CDH8: variants seen among roughly 807,000 people sequenced by gnomAD.
The protein encoded by CDH8 is cadherin-8.
CDH8 carries 17 observed loss-of-function variants against 68.1 expected under a neutral mutation model. That is an observed-to-expected ratio of 0.25 (90% CI 0.17 to 0.37). The LOEUF is 0.37. CDH8 is among the 10% of genes least tolerant of loss of function. CDH8 has a pLI of 1.00. For synonymous variants in CDH8, 372 were observed against 365.1 expected (o/e 1.02, Z -0.21); for missense variants, 763 against 999.3 (o/e 0.76, Z 3.19).
chr16:61,914,511 C>A (rs1199724030), intron 2 of CDH8, among the ~76,000 whole-genome samples: 1 of 150,410 alleles, frequency 6.6e-6, no homozygotes, highest in South Asian at 2.1e-4. Context: ...TTTTTTTTTT[C>A]TGGATTATCC....
intron 3 of CDH8, among the ~76,000 whole-genome samples, chr16:61,871,579 TATA>T (rs1485240315): frequency 2.0e-5 from 3 of 151,710 alleles, no homozygotes; most frequent in Admixed American, 1.3e-4. Flanking sequence ...TGATGATCTT[TATA>T]ATAATAATAT....
chr16:61,847,274 G>A (rs1962827045), intron 4 of CDH8, among the ~76,000 whole-genome samples: 1 of 151,878 alleles, frequency 6.6e-6, no homozygotes, highest in Non-Finnish European at 1.5e-5. Context: ...TGTCCATATG[G>A]CACAAACTCT....
At chr16:61,762,718 T>C (rs1960500412) in intron 8 of CDH8, among the ~76,000 whole-genome samples, 1 of 152,178 alleles carries the variant, frequency 6.6e-6, no homozygotes, top group African/African-American at 2.4e-5. Context: ...CTTAGGGTTT[T>C]GTTTTGTGAT....
intron 3 of CDH8, among the ~76,000 whole-genome samples, chr16:61,875,955 C>A (rs1239604415): frequency 6.6e-6 from 1 of 152,178 alleles, no homozygotes; most frequent in African/African-American, 2.4e-5. Context: ...CGGCTCACTG[C>A]AACCTCTGCC....
At chr16:62,011,086 G>A (rs1901800112) in intron 2 of CDH8, among the ~76,000 whole-genome samples, 1 of 151,290 alleles carries the variant, frequency 6.6e-6, no homozygotes, top group African/African-American at 2.4e-5. Flanking sequence ...TTAGGATTAG[G>A]GAGAAATAAA....
At chr16:61,783,696 G>A (rs1961150750) in intron 8 of CDH8, among the ~76,000 whole-genome samples, 1 of 151,186 alleles carries the variant, frequency 6.6e-6, no homozygotes, top group South Asian at 2.1e-4. Flanking sequence ...AGAAAGGTCG[G>A]GTTACCCTCA....
At chr16:61,813,446 G>C (rs1416116172) in intron 7 of CDH8, among the ~76,000 whole-genome samples, 1 of 152,106 alleles carries the variant, frequency 6.6e-6, no homozygotes, top group Non-Finnish European at 1.5e-5. Flanking sequence ...GCTGATAAAA[G>C]GCCCTTGGAG....
chr16:61,689,363 T>A (rs532693841), intron 10 of CDH8, among the ~76,000 whole-genome samples: 67 of 152,070 alleles, frequency 4.4e-4, no homozygotes, highest in African/African-American at 1.6e-3. Context: ...TAAAATGAGA[T>A]AAGATGCTTA....
At chr16:61,779,478 G>A (rs920154185) in intron 8 of CDH8, among the ~76,000 whole-genome samples, 4 of 142,488 alleles carry the variant, frequency 2.8e-5, no homozygotes, top group Non-Finnish European at 4.6e-5. Context: ...CGCATGGTGA[G>A]GGAAACAAGG....
chr16:61,811,366 T>A (rs1961945630), intron 7 of CDH8, among the ~76,000 whole-genome samples: 1 of 152,284 alleles, frequency 6.6e-6, no homozygotes, highest in Non-Finnish European at 1.5e-5. Flanking sequence ...ACAATCAAAT[T>A]TTTATTTGGC....
chr16:61,704,664 G>A (rs1208117633), intron 10 of CDH8, among the ~76,000 whole-genome samples: 1 of 152,130 alleles, frequency 6.6e-6, no homozygotes, highest in East Asian at 1.9e-4. Context: ...AACACTTAGA[G>A]TCTGTTACAG....
intron 3 of CDH8, among the ~76,000 whole-genome samples, chr16:61,865,555 AAAC>A (rs1963238432): frequency 6.6e-6 from 1 of 152,154 alleles, no homozygotes; most frequent in South Asian, 2.1e-4. Flanking sequence ...TATCCTTCAC[AAAC>A]AATGCTAGCA....
chr16:61,803,216 A>G (rs1388920692), intron 7 of CDH8, among the ~76,000 whole-genome samples: 1 of 114,156 alleles, frequency 8.8e-6, no homozygotes, highest in African/African-American at 4.4e-5. Flanking sequence ...CAGCCAAACT[A>G]AGCTTCATAA....
intron 10 of CDH8, among the ~76,000 whole-genome samples, chr16:61,669,679 C>G (rs56213000): frequency 0.18 from 27,400 of 151,968 alleles, 2,816 homozygotes; most frequent in Middle Eastern, 0.26. Context: ...GTCTCTGCTC[C>G]CATACACTGT....
chr16:61,680,582 T>C (rs1963993675), intron 10 of CDH8, among the ~76,000 whole-genome samples: 1 of 151,746 alleles, frequency 6.6e-6, no homozygotes, highest in Non-Finnish European at 1.5e-5. Context: ...AGGATTTTTT[T>C]AATACTTATA....
At chr16:61,713,757 A>G (rs1284711589) in intron 10 of CDH8, 84 bp downstream of exon 10, 29 of 745,050 alleles carry the variant, frequency 3.9e-5, no homozygotes, top group Non-Finnish European at 6.2e-5. Context: ...AATTATCTTA[A>G]TGATAATTTT....
chr16:61,872,852 AAC>A (rs932278026), intron 3 of CDH8, among the ~76,000 whole-genome samples: 2 of 152,188 alleles, frequency 1.3e-5, no homozygotes, highest in African/African-American at 4.8e-5. Context: ...CCTCTTTAAC[AAC>A]ACAACTCAAA....
intron 4 of CDH8, among the ~76,000 whole-genome samples, chr16:61,844,677 C>T (rs1369923): frequency 0.88 from 134,342 of 152,186 alleles, 59,448 homozygotes; most frequent in African/African-American, 0.95. Flanking sequence ...ATTATGATGA[C>T]TCTAGTATTT....
chr16:61,892,176 A>C (rs1332226602), intron 3 of CDH8, among the ~76,000 whole-genome samples: 1 of 152,234 alleles, frequency 6.6e-6, no homozygotes, highest in Non-Finnish European at 1.5e-5. Context: ...TGTAGTCATC[A>C]TAATTTACAA....
Sources: allele counts gnomAD v4.1 joint callset (sites outside exome capture counted in the v4.1 genomes callset), GRCh38; gene constraint gnomAD v4.1.1; transcripts MANE v1.5; gene names NCBI Gene and HGNC (gene_info 2026-07-23, HGNC 2026-07-21).